The following RBFOX1 variants were observed in gnomAD, a reference collection of about 807,000 sequenced individuals.
RBFOX1 encodes RNA binding fox-1 homolog 1, also known as RNA binding protein fox-1 homolog 1.
RBFOX1 carries 8 observed loss-of-function variants against 57.7 expected under a neutral mutation model. The ratio of observed to expected loss-of-function variants is 0.14; its 90% CI spans 0.08 to 0.25. The LOEUF is 0.25. Ranked by LOEUF, RBFOX1 falls within the 10% of genes least tolerant of loss-of-function variation. The probability of loss-of-function intolerance (pLI) is 1.00; values close to 1 mark genes in which losing one functional copy is unlikely to be tolerated. For missense variants in RBFOX1, 611 were observed against 548.5 expected, an observed-to-expected ratio of 1.11 and a Z score of -1.14; for synonymous variants, 326 against 222.4, an observed-to-expected ratio of 1.47 and a Z score of -4.15.
intron 4 of RBFOX1, among the ~76,000 whole-genome samples, chr16:7,178,086 G>A (rs917545833): frequency 6.6e-6 from 1 of 152,204 alleles, no homozygotes; most frequent in African/African-American, 2.4e-5. Context: ...GTCAGGATAT[G>A]CTGCTGTTAC....
chr16:7,244,970 G>A (rs941657341), intron 4 of RBFOX1, among the ~76,000 whole-genome samples: 1 of 152,176 alleles, frequency 6.6e-6, no homozygotes, highest in African/African-American at 2.4e-5. Flanking sequence ...GTGGCAAAGT[G>A]AGGAACTCAT....
chr16:6,303,367 A>G (rs2079057142), intron 1 of RBFOX1, among the ~76,000 whole-genome samples: 1 of 151,798 alleles, frequency 6.6e-6, no homozygotes. Flanking sequence ...AGGCCTACAG[A>G]GTGGAGGATG....
intron 1 of RBFOX1, among the ~76,000 whole-genome samples, chr16:6,153,856 C>A (rs868861247): frequency 6.6e-6 from 1 of 152,154 alleles, no homozygotes; most frequent in Non-Finnish European, 1.5e-5. Flanking sequence ...TCTTAGGCTT[C>A]GCATTCTTGT....
intron 3 of RBFOX1, among the ~76,000 whole-genome samples, chr16:6,755,749 C>T (rs1458633279): frequency 1.3e-5 from 2 of 152,142 alleles, no homozygotes; most frequent in Non-Finnish European, 2.9e-5. Context: ...CTACTTGTCA[C>T]CCCCTTGTAC....
chr16:6,005,360 G>A (rs2060674944), intron 4 of RBFOX1, among the ~76,000 whole-genome samples: 2 of 152,198 alleles, frequency 1.3e-5, no homozygotes, highest in South Asian at 4.1e-4. Flanking sequence ...TTCTGCCAAT[G>A]TTTGTTGAGC....
chr16:5,242,388 C>T (rs1400994911), intron 1 of RBFOX1, among the ~76,000 whole-genome samples: 2 of 152,158 alleles, frequency 1.3e-5, no homozygotes, highest in South Asian at 2.1e-4. Context: ...TCCGGCGGCC[C>T]CTCGAAAAGA....
chr16:7,283,391 C>G (rs1485830214), intron 4 of RBFOX1, among the ~76,000 whole-genome samples: 3 of 151,994 alleles, frequency 2.0e-5, no homozygotes, highest in African/African-American at 7.2e-5. Flanking sequence ...TCAGTGTCCA[C>G]CATGAGTTCC....
intron 3 of RBFOX1, among the ~76,000 whole-genome samples, chr16:6,709,172 C>T (rs746649813): frequency 1.3e-5 from 2 of 152,038 alleles, no homozygotes; most frequent in Admixed American, 6.6e-5. Context: ...ATTGGTTCAA[C>T]AGATGAATGT....
intron 3 of RBFOX1, among the ~76,000 whole-genome samples, chr16:6,813,916 C>T (rs2089416871): frequency 1.3e-5 from 2 of 152,154 alleles, no homozygotes; most frequent in South Asian, 2.1e-4. Flanking sequence ...AGACTGGTTA[C>T]ATTTCCTTCC....
intron 3 of RBFOX1, among the ~76,000 whole-genome samples, chr16:5,613,196 C>G (rs1038775209): frequency 6.6e-6 from 1 of 152,180 alleles, no homozygotes; most frequent in Non-Finnish European, 1.5e-5. Context: ...TTGACATGGA[C>G]AAATCTTCCT....
chr16:7,559,764 C>T (rs2089859325), intron 5 of RBFOX1, among the ~76,000 whole-genome samples: 1 of 152,168 alleles, frequency 6.6e-6, no homozygotes, highest in Admixed American at 6.5e-5. Flanking sequence ...CCTCCTTAGT[C>T]TTTGGTTCTT....
intron 1 of RBFOX1, among the ~76,000 whole-genome samples, chr16:5,293,274 C>T (rs574461766): frequency 6.6e-6 from 1 of 152,204 alleles, no homozygotes; most frequent in South Asian, 2.1e-4. Context: ...TGTGTCCACA[C>T]CCCATGAAGC....
At chr16:7,526,179 G>A (rs975942058) in intron 5 of RBFOX1, among the ~76,000 whole-genome samples, 13 of 152,082 alleles carry the variant, frequency 8.5e-5, no homozygotes, top group African/African-American at 2.4e-4. Flanking sequence ...ATTATCTGAG[G>A]TGCAACCATT....
chr16:5,556,267 C>T (rs935183653), intron 2 of RBFOX1, among the ~76,000 whole-genome samples: 7 of 152,286 alleles, frequency 4.6e-5, no homozygotes, highest in Middle Eastern at 3.4e-3. Flanking sequence ...AGCTTGCCAT[C>T]TGTAGAAAGC....
chr16:7,266,539 C>G (rs1386827794), intron 4 of RBFOX1, among the ~76,000 whole-genome samples: 1 of 152,182 alleles, frequency 6.6e-6, no homozygotes, highest in African/African-American at 2.4e-5. Context: ...CAACCTATTA[C>G]ACCTCATGCC....
At chr16:6,570,416 G>A (rs529236743) in intron 2 of RBFOX1, among the ~76,000 whole-genome samples, 2 of 152,172 alleles carry the variant, frequency 1.3e-5, no homozygotes, top group Non-Finnish European at 2.9e-5. Context: ...AAGAAGTACA[G>A]CATTATTGAC....
At chr16:7,484,783 A>T (rs2064956921) in intron 4 of RBFOX1, among the ~76,000 whole-genome samples, 1 of 152,134 alleles carries the variant, frequency 6.6e-6, no homozygotes. Context: ...TATTTTTCGC[A>T]CAGCTCCCAG....
intron 1 of RBFOX1, among the ~76,000 whole-genome samples, chr16:6,157,551 C>T (rs560259369): frequency 4.3e-4 from 65 of 152,174 alleles, no homozygotes; most frequent in Admixed American, 1.4e-3. Context: ...CATTTGTCTT[C>T]CTATTTTTGG....
intron 3 of RBFOX1, among the ~76,000 whole-genome samples, chr16:6,938,146 A>C (rs11077115): frequency 2.0e-5 from 3 of 152,194 alleles, no homozygotes; most frequent in Admixed American, 1.3e-4. Flanking sequence ...TGAACTATTC[A>C]AGTTCATTGT....
Sources: gnomAD v4.1 joint callset for allele counts (sites outside exome capture counted in the v4.1 genomes callset) on GRCh38, gnomAD v4.1.1 for gene constraint, MANE v1.5 for transcripts, NCBI Gene and HGNC (gene_info 2026-07-23, HGNC 2026-07-21) for gene names.